The following KCNMA1 variants were observed in gnomAD, a reference collection of about 807,000 sequenced individuals.
KCNMA1 encodes the protein Calcium-activated potassium channel subunit alpha-1.
KCNMA1 carries 29 observed loss-of-function variants against 140.0 expected under a neutral mutation model. The observed-to-expected ratio is 0.21, with a 90% CI of 0.15 to 0.28. The LOEUF is 0.28. Among genes scored for constraint, KCNMA1 ranks in the 10% least tolerant of loss-of-function variants. The probability of loss-of-function intolerance (pLI) is 1.00; values close to 1 mark genes in which losing one functional copy is unlikely to be tolerated. For synonymous variants in KCNMA1, 612 were observed against 611.9 expected (o/e 1.00, Z 0.00); for missense variants, 880 against 1,602.2 (o/e 0.55, Z 7.70).
chr10:77,083,441 C>A (rs2096623878), intron 12 of KCNMA1, among the ~76,000 whole-genome samples: 1 of 150,448 alleles, frequency 6.6e-6, no homozygotes, highest in Non-Finnish European at 1.5e-5. Context: ...ACAGGCCTAA[C>A]CCTTGTGCAC....
chr10:77,528,994 T>C (rs978933099), intron 1 of KCNMA1, among the ~76,000 whole-genome samples: 1 of 152,168 alleles, frequency 6.6e-6, no homozygotes, highest in Admixed American at 6.5e-5. Flanking sequence ...TGCTGGACGG[T>C]TCTGGAAGTA....
intron 3 of KCNMA1, among the ~76,000 whole-genome samples, chr10:77,231,147 C>A (rs963873243): frequency 6.6e-6 from 1 of 152,152 alleles, no homozygotes; most frequent in Non-Finnish European, 1.5e-5. Flanking sequence ...CCTGAAATGA[C>A]ATTTTCCTCT....
intron 25 of KCNMA1, among the ~76,000 whole-genome samples, chr10:76,907,052 G>C (rs1030270320): frequency 6.6e-6 from 1 of 152,158 alleles, no homozygotes; most frequent in Non-Finnish European, 1.5e-5. Context: ...CAAAAGATTC[G>C]ATAGTGTAGC....
chr10:76,993,061 C>A (rs1033052625), intron 19 of KCNMA1, among the ~76,000 whole-genome samples: 37 of 152,182 alleles, frequency 2.4e-4, no homozygotes, highest in African/African-American at 8.4e-4. Context: ...CTGAAGCTAC[C>A]ACCTGCAGCT....
At chr10:77,555,760 C>T (rs816862) in intron 1 of KCNMA1, among the ~76,000 whole-genome samples, 44,118 of 151,996 alleles carry the variant, frequency 0.29, 7,205 homozygotes, top group African/African-American at 0.44. Flanking sequence ...GGGAACAGTA[C>T]AGAGACCCAA....
At chr10:77,383,665 G>GT (rs995003590) in intron 2 of KCNMA1, among the ~76,000 whole-genome samples, 4 of 151,906 alleles carry the variant, frequency 2.6e-5, no homozygotes, top group African/African-American at 4.8e-5. Context: ...TTATAATAAG[G>GT]TTTTTTTACA....
chr10:77,404,446 A>G (rs1350416610), intron 1 of KCNMA1, among the ~76,000 whole-genome samples: 2 of 151,978 alleles, frequency 1.3e-5, no homozygotes, highest in African/African-American at 4.8e-5. Flanking sequence ...TGCTCGGCTA[A>G]TTTTTGTATT....
At chr10:77,013,847 C>T (rs1021238984) in intron 17 of KCNMA1, among the ~76,000 whole-genome samples, 6 of 152,180 alleles carry the variant, frequency 3.9e-5, no homozygotes, top group African/African-American at 1.4e-4. Context: ...ATTGAATTCA[C>T]ATAGCCTGGC....
chr10:77,400,395 T>G (rs767834279), intron 2 of KCNMA1, among the ~76,000 whole-genome samples: 1 of 152,222 alleles, frequency 6.6e-6, no homozygotes, highest in African/African-American at 2.4e-5. Flanking sequence ...CAAAGAGGCC[T>G]GAGTGGACCA....
chr10:77,098,770 T>C (rs2097011184), intron 9 of KCNMA1, among the ~76,000 whole-genome samples: 1 of 152,068 alleles, frequency 6.6e-6, no homozygotes, highest in Admixed American at 6.5e-5. Context: ...CTTTCCTTCC[T>C]TCCTCTCTGG....
At chr10:77,040,046 C>A (rs1272177119) in intron 14 of KCNMA1, among the ~76,000 whole-genome samples, 3 of 143,522 alleles carry the variant, frequency 2.1e-5, no homozygotes, top group African/African-American at 7.4e-5. Flanking sequence ...CCACACCTGG[C>A]AATTTTTTTT....
chr10:77,306,848 G>A (rs1219606501), intron 2 of KCNMA1, among the ~76,000 whole-genome samples: 2 of 152,194 alleles, frequency 1.3e-5, no homozygotes, highest in Non-Finnish European at 2.9e-5. Flanking sequence ...CGCAAAAAGG[G>A]CAGGGCATTT....
At chr10:76,980,815 A>G (rs2079205394) in intron 19 of KCNMA1, among the ~76,000 whole-genome samples, 2 of 152,184 alleles carry the variant, frequency 1.3e-5, no homozygotes, top group African/African-American at 4.8e-5. Context: ...GGCATGGGAT[A>G]TCCCTCCACA....
At chr10:77,201,417 G>A (rs1192198333) in intron 3 of KCNMA1, among the ~76,000 whole-genome samples, 1 of 152,174 alleles carries the variant, frequency 6.6e-6, no homozygotes, top group Non-Finnish European at 1.5e-5. Flanking sequence ...TGGACTTACG[G>A]AGAAGACAAT....
At position 77,139,003 on chromosome 10, in the gene KCNMA1, G is replaced by T. The variant is rs545184757; in HGVS notation, c.809-17955C>A. Among the ~76,000 whole-genome samples the T allele has an allele frequency of 2.0e-5, 3 of 152,256 alleles. No individual in the cohort carries two copies. In the East Asian group the frequency reaches 5.8e-4, roughly 29 times the overall value. ...TTGTTCAGGTGCCTGCCTCCTGCCC[G>T]TTCCTCAGCAGACTATCTGCTCTAT... On this transcript the variant is annotated intron_variant, in intron 5 of 27. Coordinates refer to ENST00000286628, the MANE Select transcript of KCNMA1 (RefSeq NM_001161352.2).
At chr10:76,895,953 G>A (rs780156005) in intron 25 of KCNMA1, among the ~76,000 whole-genome samples, 1 of 152,160 alleles carries the variant, frequency 6.6e-6, no homozygotes, top group Admixed American at 6.5e-5. Context: ...AAGGCAAAAG[G>A]TCAGGGCGAG....
intron 2 of KCNMA1, among the ~76,000 whole-genome samples, chr10:77,311,340 T>G (rs184707441): frequency 6.0e-4 from 91 of 152,128 alleles, no homozygotes; most frequent in Non-Finnish European, 9.9e-4. Flanking sequence ...CCACAGCCAG[T>G]TGGGGAGAGC....
chr10:76,930,663 T>A (rs1213328459), intron 23 of KCNMA1, among the ~76,000 whole-genome samples: 2 of 152,218 alleles, frequency 1.3e-5, no homozygotes, highest in Non-Finnish European at 2.9e-5. Context: ...CAAAGAGACA[T>A]CTGCACCTCC....
chr10:77,486,073 C>T (rs1213392211), intron 1 of KCNMA1, among the ~76,000 whole-genome samples: 8 of 152,108 alleles, frequency 5.3e-5, no homozygotes, highest in Non-Finnish European at 8.8e-5. Flanking sequence ...GCAATCCTAA[C>T]AAGATAGAGA....
Sources: gnomAD v4.1 joint callset for allele counts (sites outside exome capture counted in the v4.1 genomes callset) on GRCh38, gnomAD v4.1.1 for gene constraint, MANE v1.5 for transcripts, NCBI Gene and HGNC (gene_info 2026-07-23, HGNC 2026-07-21) for gene names.